THRB: variants seen among roughly 807,000 people sequenced by gnomAD.
The protein encoded by THRB is thyroid hormone receptor beta, also known as nuclear receptor subfamily 1 group A member 2.
THRB carries 12 observed loss-of-function variants against 47.8 expected under a neutral mutation model. That is an observed-to-expected ratio of 0.25 (90% CI 0.16 to 0.41). THRB has a LOEUF of 0.41. Among genes scored for constraint, THRB ranks in the 10% least tolerant of loss-of-function variants. The probability of loss-of-function intolerance (pLI) is 1.00; values close to 1 mark genes in which losing one functional copy is unlikely to be tolerated. For missense variants in THRB, 348 were observed against 589.2 expected (o/e 0.59, Z 4.24); for synonymous variants, 218 against 212.2 (o/e 1.03, Z -0.24).
intron 1 of THRB, among the ~76,000 whole-genome samples, chr3:24,419,576 A>G (rs1275982257): frequency 6.6e-6 from 1 of 151,940 alleles, no homozygotes; most frequent in East Asian, 1.9e-4. Context: ...GGTTATCTAA[A>G]GTTAAAAATA....
At chr3:24,296,175 G>A (rs1285525619) in intron 3 of THRB, among the ~76,000 whole-genome samples, 1 of 152,144 alleles carries the variant, frequency 6.6e-6, no homozygotes, top group Admixed American at 6.5e-5. Context: ...AGAGTCAAGA[G>A]CTTAGAATTA....
intron 2 of THRB, among the ~76,000 whole-genome samples, chr3:24,312,618 T>C (rs1430960839): frequency 2.6e-5 from 4 of 152,144 alleles, no homozygotes; most frequent in African/African-American, 9.7e-5. Context: ...TTCTATATCC[T>C]TCAATAATTT....
At position 24,322,148 on chromosome 3, in the gene THRB, AAC is replaced by A. The variant is rs1291913669; in HGVS notation, c.-189+15150_-189+15151del. ...TTTAAGGCATATTTATAATGTAAGAAACAAGATAAATTTTGAGAAAAAAATGA... is the reference window on the plus strand; with the variant it reads ...TTTAAGGCATATTTATAATGTAAGAAAAGATAAATTTTGAGAAAAAAATGA... On this transcript the variant is annotated intron_variant, in intron 2 of 10. Transcript: ENST00000646209. Among the ~76,000 whole-genome samples the A allele has an allele frequency of 2.6e-5, 4 of 152,326 alleles. No homozygotes were observed. The East Asian group carries it at 7.7e-4, about 29-fold the overall frequency.
chr3:24,281,531 G>A (rs559733109), intron 3 of THRB, among the ~76,000 whole-genome samples: 2,826 of 147,826 alleles, frequency 0.019, 78 homozygotes, highest in African/African-American at 0.066. Context: ...ATCAACTAAC[G>A]AGCAAAATCA....
chr3:24,305,197 A>G (rs925256331), intron 2 of THRB, among the ~76,000 whole-genome samples: 3 of 152,234 alleles, frequency 2.0e-5, no homozygotes, highest in Non-Finnish European at 4.4e-5. Flanking sequence ...CAACATCAGC[A>G]TCAGCATCAT....
At chr3:24,305,201 G>C (rs1299288792) in intron 2 of THRB, among the ~76,000 whole-genome samples, 2 of 152,194 alleles carry the variant, frequency 1.3e-5, no homozygotes, top group African/African-American at 2.4e-5. Context: ...ATCAGCATCA[G>C]CATCATATGG....
chr3:24,129,517 G>A (rs1045369802), intron 9 of THRB, among the ~76,000 whole-genome samples: 7 of 152,236 alleles, frequency 4.6e-5, no homozygotes, highest in Admixed American at 3.3e-4. Flanking sequence ...ACCAACTGTT[G>A]AAGATTAGTT....
intron 9 of THRB, among the ~76,000 whole-genome samples, chr3:24,127,989 C>T (rs2033181093): frequency 1.3e-5 from 2 of 152,146 alleles, no homozygotes; most frequent in Non-Finnish European, 2.9e-5. Context: ...GTTTGCATTG[C>T]TTTTATGACA....
intron 3 of THRB, among the ~76,000 whole-genome samples, chr3:24,264,365 CTG>C (rs1297506312): frequency 1.3e-5 from 2 of 152,142 alleles, no homozygotes; most frequent in African/African-American, 4.8e-5. Context: ...AAAAAAATAA[CTG>C]TGTTTATTGT....
intron 3 of THRB, among the ~76,000 whole-genome samples, chr3:24,255,301 T>C (rs1297131606): frequency 6.6e-6 from 1 of 152,216 alleles, no homozygotes; most frequent in Non-Finnish European, 1.5e-5. Flanking sequence ...TTAACCCCTG[T>C]GCTAAGTGCT....
At chr3:24,198,140 C>T (rs1014088457) in intron 4 of THRB, among the ~76,000 whole-genome samples, 5 of 152,224 alleles carry the variant, frequency 3.3e-5, no homozygotes, top group South Asian at 2.1e-4. Flanking sequence ...AGTGCCTGCT[C>T]GCTTCCATTT....
chr3:24,368,951 T>C (rs1445054123), intron 1 of THRB, among the ~76,000 whole-genome samples: 2 of 152,164 alleles, frequency 1.3e-5, no homozygotes, highest in Non-Finnish European at 2.9e-5. Context: ...TTATAAACAG[T>C]GATCATATAT....
intron 1 of THRB, among the ~76,000 whole-genome samples, chr3:24,351,149 A>G (rs2063332349): frequency 6.6e-6 from 1 of 152,066 alleles, no homozygotes; most frequent in Admixed American, 6.6e-5. Context: ...GCAAGAAATC[A>G]GTTTTTTCTC....
At chr3:24,432,561 C>T (rs1249387804) in intron 1 of THRB, among the ~76,000 whole-genome samples, 1 of 151,946 alleles carries the variant, frequency 6.6e-6, no homozygotes, top group African/African-American at 2.4e-5. Context: ...AAAGAGCTTC[C>T]AGGGAAAGTT....
intron 3 of THRB, among the ~76,000 whole-genome samples, chr3:24,283,028 T>C (rs1402200596): frequency 6.6e-6 from 1 of 151,652 alleles, no homozygotes; most frequent in Admixed American, 6.6e-5. Context: ...GTACCATTCC[T>C]TCTGAAACTA....
At chr3:24,349,388 C>A (rs1211677079) in intron 1 of THRB, among the ~76,000 whole-genome samples, 2 of 151,576 alleles carry the variant, frequency 1.3e-5, no homozygotes, top group Admixed American at 6.6e-5. Context: ...TAGCAATGAG[C>A]CAAGAATAAT....
intron 3 of THRB, among the ~76,000 whole-genome samples, chr3:24,230,975 C>G (rs530823975): frequency 3.7e-4 from 57 of 152,280 alleles, no homozygotes; most frequent in African/African-American, 1.3e-3. Context: ...GAGAGAGGAT[C>G]CATCTGACAT....
intron 4 of THRB, among the ~76,000 whole-genome samples, chr3:24,200,585 A>G (rs1182500748): frequency 1.3e-5 from 2 of 152,236 alleles, no homozygotes; most frequent in Non-Finnish European, 2.9e-5. Flanking sequence ...GCAGAGTAAC[A>G]TATAGGTCCT....
chr3:24,384,249 T>C (rs184007960), intron 1 of THRB, among the ~76,000 whole-genome samples: 1 of 152,246 alleles, frequency 6.6e-6, no homozygotes, highest in Admixed American at 6.6e-5. Context: ...GAATGAGCCC[T>C]GTACATTAAA....
Sources: allele counts gnomAD v4.1 joint callset (sites outside exome capture counted in the v4.1 genomes callset), GRCh38; gene constraint gnomAD v4.1.1; transcripts MANE v1.5; gene names NCBI Gene and HGNC (gene_info 2026-07-23, HGNC 2026-07-21).